Variants in NKAIN2 observed in about 807,000 individuals in gnomAD.
The protein encoded by NKAIN2 is sodium/potassium-transporting ATPase subunit beta-1-interacting protein 2.
Under a neutral mutation model 32.6 loss-of-function variants are expected in NKAIN2, and 14 were observed. The ratio of observed to expected loss-of-function variants is 0.43; its 90% confidence interval spans 0.28 to 0.67. The LOEUF is 0.67. Ranked by LOEUF, NKAIN2 falls within the 30% of genes least tolerant of loss-of-function variation. The probability of loss-of-function intolerance (pLI) is 0.17; values close to 1 mark genes in which losing one functional copy is unlikely to be tolerated. For missense variants in NKAIN2, 198 were observed against 258.3 expected (o/e 0.77, Z 1.60); for synonymous variants, 80 against 87.2 (o/e 0.92, Z 0.46).
At chr6:123,815,623 A>G (rs994925310) in intron 1 of NKAIN2, among the ~76,000 whole-genome samples, 9 of 152,130 alleles carry the variant, frequency 5.9e-5, no homozygotes, top group East Asian at 1.9e-4. Context: ...AGCTCAATCT[A>G]TGAAACTTAG....
chr6:124,273,638 A>G (rs764309574), intron 1 of NKAIN2, among the ~76,000 whole-genome samples: 25 of 152,184 alleles, frequency 1.6e-4, no homozygotes, highest in Non-Finnish European at 1.8e-4. Flanking sequence ...ACACCTCACT[A>G]GAACTAAAAC....
chr6:124,571,515 T>C (rs1370023552), intron 3 of NKAIN2, among the ~76,000 whole-genome samples: 1 of 152,162 alleles, frequency 6.6e-6, no homozygotes, highest in Non-Finnish European at 1.5e-5. Context: ...TCTGATGGAT[T>C]TATCAGGGGT....
chr6:124,679,147 C>A (rs1430663011), intron 4 of NKAIN2, among the ~76,000 whole-genome samples: 1 of 151,886 alleles, frequency 6.6e-6, no homozygotes, highest in Non-Finnish European at 1.5e-5. Flanking sequence ...GACAGCCCAC[C>A]CCCAAAAAAT....
At chr6:124,150,418 C>T (rs943591614) in intron 1 of NKAIN2, among the ~76,000 whole-genome samples, 1 of 152,092 alleles carries the variant, frequency 6.6e-6, no homozygotes, top group Non-Finnish European at 1.5e-5. Context: ...ATAAATTATA[C>T]ATGCATGTAT....
intron 5 of NKAIN2, among the ~76,000 whole-genome samples, chr6:124,798,097 ATCTATCT>A (rs1050914124): frequency 6.8e-6 from 1 of 147,936 alleles, no homozygotes; most frequent in African/African-American, 2.5e-5. Context: ...CTATCTATCT[ATCTATCT>A]ATCATCTAAC....
At chr6:123,892,270 A>G (rs1368919163) in intron 1 of NKAIN2, among the ~76,000 whole-genome samples, 1 of 152,178 alleles carries the variant, frequency 6.6e-6, no homozygotes, top group African/African-American at 2.4e-5. Context: ...CAATGACTGT[A>G]TTAGTCCATT....
chr6:124,073,605 G>T (rs1342647289), intron 1 of NKAIN2, among the ~76,000 whole-genome samples: 2 of 152,000 alleles, frequency 1.3e-5, no homozygotes, highest in Non-Finnish European at 2.9e-5. Flanking sequence ...TAGGTATTTG[G>T]ACACTTATAT....
rs569665175 is a variant in NKAIN2 at position 123,823,042 on chromosome 6, A to T, written c.54+18788A>T. ...CAGCATTTAAGGAAAAGTAAGTAGA[A>T]AACAGAGGACCAATTCAAATGGAGG... On this transcript the variant is annotated intron_variant, in intron 1 of 6. Coordinates refer to ENST00000368417, the MANE Select transcript of NKAIN2 (RefSeq NM_001040214.3). 2.0e-5 allele frequency among the ~76,000 whole-genome samples: 3 copies of T among 152,284 alleles called. No individual in the cohort carries two copies. The East Asian group carries it at 5.8e-4, about 29-fold the overall frequency.
intron 1 of NKAIN2, among the ~76,000 whole-genome samples, chr6:124,001,309 T>C (rs1279622713): frequency 6.6e-6 from 1 of 152,030 alleles, no homozygotes; most frequent in African/African-American, 2.4e-5. Context: ...TAAAGCTATG[T>C]TTACAAGGAG....
chr6:124,015,666 G>A (rs911226538), intron 1 of NKAIN2, among the ~76,000 whole-genome samples: 1 of 152,162 alleles, frequency 6.6e-6, no homozygotes, highest in Admixed American at 6.6e-5. Flanking sequence ...AAAATCATTA[G>A]CTATGACTGG....
At chr6:124,268,153 A>G (rs1163213627) in intron 1 of NKAIN2, among the ~76,000 whole-genome samples, 1 of 152,188 alleles carries the variant, frequency 6.6e-6, no homozygotes, top group African/African-American at 2.4e-5. Context: ...TAAACATACA[A>G]TTCTAGTGAT....
intron 2 of NKAIN2, among the ~76,000 whole-genome samples, chr6:124,289,945 A>C (rs1425920033): frequency 6.6e-6 from 1 of 152,200 alleles, no homozygotes; most frequent in East Asian, 1.9e-4. Flanking sequence ...ATCAATGTAG[A>C]TTAGAGATGA....
At chr6:124,581,767 A>G (rs2114940671) in intron 3 of NKAIN2, among the ~76,000 whole-genome samples, 1 of 152,356 alleles carries the variant, frequency 6.6e-6, no homozygotes, top group East Asian at 1.9e-4. Context: ...CCTCTGGGTC[A>G]ATGAAGAAAT....
chr6:124,822,996 G>C (rs1781453441), intron 6 of NKAIN2, among the ~76,000 whole-genome samples: 1 of 152,062 alleles, frequency 6.6e-6, no homozygotes, highest in African/African-American at 2.4e-5. Context: ...CATTTCAGTT[G>C]TCCCTGGAAA....
At chr6:124,437,723 G>A (rs1189557819) in intron 3 of NKAIN2, among the ~76,000 whole-genome samples, 5 of 152,080 alleles carry the variant, frequency 3.3e-5, no homozygotes, top group African/African-American at 4.8e-5. Context: ...ATGAGGTAAG[G>A]CATGTGCTTT....
chr6:124,140,434 A>G (rs773011308), intron 1 of NKAIN2, among the ~76,000 whole-genome samples: 4 of 152,204 alleles, frequency 2.6e-5, no homozygotes, highest in Non-Finnish European at 5.9e-5. Context: ...TTAGAAAGAC[A>G]TGATCTATGC....
At chr6:124,665,781 T>C (rs1270839170) in intron 4 of NKAIN2, among the ~76,000 whole-genome samples, 3 of 152,182 alleles carry the variant, frequency 2.0e-5, no homozygotes, top group Non-Finnish European at 2.9e-5. Context: ...TTGACTCCTT[T>C]TTAGGCCCTG....
chr6:124,663,317 G>A (rs558984307), intron 4 of NKAIN2, among the ~76,000 whole-genome samples: 35 of 151,838 alleles, frequency 2.3e-4, no homozygotes, highest in East Asian at 5.9e-4. Context: ...TGTAATCCCC[G>A]CTACTCAGGA....
chr6:123,958,391 C>T (rs1400519740), intron 1 of NKAIN2, among the ~76,000 whole-genome samples: 5 of 152,342 alleles, frequency 3.3e-5, no homozygotes, highest in Non-Finnish European at 4.4e-5. Flanking sequence ...TGCTCCGTCA[C>T]CTCTGTGCAC....
Sources: gnomAD v4.1 joint callset for allele counts (sites outside exome capture counted in the v4.1 genomes callset) on GRCh38, gnomAD v4.1.1 for gene constraint, MANE v1.5 for transcripts, NCBI Gene and HGNC (gene_info 2026-07-23, HGNC 2026-07-21) for gene names.